Variants in PDE10A observed in about 807,000 individuals in gnomAD.
PDE10A encodes cAMP and cAMP-inhibited cGMP 3',5'-cyclic phosphodiesterase 10A.
A neutral mutation model predicts 97.7 loss-of-function variants in PDE10A; 39 were observed. That is an observed-to-expected ratio of 0.40 (90% confidence interval 0.31 to 0.52). The LOEUF is 0.52. Among genes scored for constraint, PDE10A ranks in the 20% least tolerant of loss-of-function variants. The probability of loss-of-function intolerance (pLI) is 0.56; values close to 1 mark genes in which losing one functional copy is unlikely to be tolerated. For synonymous variants in PDE10A, 371 were observed against 376.8 expected, an observed-to-expected ratio of 0.98 and a Z score of 0.18; for missense variants, 731 against 1,047.8, an observed-to-expected ratio of 0.70 and a Z score of 4.17.
chr6:165,943,250 G>A (rs867526105), intron 1 of PDE10A, among the ~76,000 whole-genome samples: 1,118 of 66,826 alleles, frequency 0.017, 43 homozygotes, highest in Middle Eastern at 0.036. Flanking sequence ...AAGGAAGGAA[G>A]GAAGGAAGGA....
chr6:165,527,373 C>T (rs1782508706), intron 2 of PDE10A, among the ~76,000 whole-genome samples: 1 of 152,208 alleles, frequency 6.6e-6, no homozygotes, highest in African/African-American at 2.4e-5. Flanking sequence ...GCCACTTGGA[C>T]TATATGACCC....
At chr6:165,381,766 C>T (rs997571824) in intron 17 of PDE10A, among the ~76,000 whole-genome samples, 3 of 151,712 alleles carry the variant, frequency 2.0e-5, no homozygotes, top group Admixed American at 6.6e-5. Flanking sequence ...CAGACGTGAG[C>T]CACCGCGCCC....
intron 1 of PDE10A, among the ~76,000 whole-genome samples, chr6:165,943,091 A>G (rs796559509): frequency 2.0e-5 from 3 of 150,462 alleles, no homozygotes; most frequent in African/African-American, 7.4e-5. Flanking sequence ...GGAGAAACAG[A>G]ACCCAGAGAG....
chr6:165,539,043 G>A (rs904489075), intron 2 of PDE10A, among the ~76,000 whole-genome samples: 4 of 152,112 alleles, frequency 2.6e-5, no homozygotes, highest in South Asian at 2.1e-4. Context: ...ACTCTGCTTC[G>A]AAGCTATATT....
intron 18 of PDE10A, among the ~76,000 whole-genome samples, chr6:165,372,361 A>G (rs1784315379): frequency 2.0e-5 from 3 of 149,608 alleles, no homozygotes. Context: ...CCTTAAGCTG[A>G]TAAGCAACTT....
chr6:165,878,202 G>C (rs1444888313), intron 1 of PDE10A, among the ~76,000 whole-genome samples: 2 of 152,182 alleles, frequency 1.3e-5, no homozygotes, highest in African/African-American at 4.8e-5. Flanking sequence ...CCAAACCATA[G>C]ATGCCTCTAG....
intron 18 of PDE10A, among the ~76,000 whole-genome samples, chr6:165,365,604 T>C (rs500017): frequency 0.57 from 85,949 of 152,036 alleles, 25,614 homozygotes; most frequent in African/African-American, 0.77. Flanking sequence ...CTCAGCTATT[T>C]AGCTACTTGA....
At chr6:165,496,430 C>A (rs1780541216) in intron 2 of PDE10A, among the ~76,000 whole-genome samples, 1 of 152,182 alleles carries the variant, frequency 6.6e-6, no homozygotes, top group African/African-American at 2.4e-5. Context: ...ACATGGGTTT[C>A]TTGACCTTTT....
chr6:165,975,070 C>T (rs959470674), intron 1 of PDE10A, among the ~76,000 whole-genome samples: 3 of 152,158 alleles, frequency 2.0e-5, no homozygotes, highest in African/African-American at 7.2e-5. Flanking sequence ...AGAAGGAGCC[C>T]GGGTCCAGAC....
intron 3 of PDE10A, among the ~76,000 whole-genome samples, chr6:165,480,845 T>G (rs221731): frequency 1.3e-5 from 2 of 151,968 alleles, no homozygotes; most frequent in Admixed American, 6.5e-5. Flanking sequence ...GTCAAATAAG[T>G]ATTGATCAAG....
intron 1 of PDE10A, among the ~76,000 whole-genome samples, chr6:165,767,073 A>G (rs1457459045): frequency 2.0e-5 from 3 of 152,180 alleles, no homozygotes; most frequent in African/African-American, 7.2e-5. Context: ...GTGCTTCTAC[A>G]TTAAAAAACG....
chr6:165,483,518 C>T (rs1389577155), intron 2 of PDE10A, among the ~76,000 whole-genome samples: 2 of 152,182 alleles, frequency 1.3e-5, no homozygotes, highest in East Asian at 3.8e-4. Flanking sequence ...CTCTTCAACT[C>T]CTAATCCTCT....
At chr6:165,573,516 T>C (rs999375427) in intron 1 of PDE10A, among the ~76,000 whole-genome samples, 2 of 152,214 alleles carry the variant, frequency 1.3e-5, no homozygotes, top group Non-Finnish European at 2.9e-5. Context: ...GTCCAAATAC[T>C]GGTGACAGAG....
intron 18 of PDE10A, among the ~76,000 whole-genome samples, chr6:165,347,633 C>T (rs1314499401): frequency 6.6e-6 from 1 of 152,150 alleles, no homozygotes; most frequent in Non-Finnish European, 1.5e-5. Flanking sequence ...TTTACATGGT[C>T]TCACAGAGTA....
At chr6:165,977,306 A>G (rs1045328704) in intron 1 of PDE10A, among the ~76,000 whole-genome samples, 16 of 152,180 alleles carry the variant, frequency 1.1e-4, no homozygotes, top group African/African-American at 3.9e-4. Flanking sequence ...CTAGGCAGAG[A>G]TTTCTCAATC....
intron 3 of PDE10A, among the ~76,000 whole-genome samples, chr6:165,462,399 C>A (rs1173681753): frequency 1.3e-5 from 2 of 152,282 alleles, no homozygotes; most frequent in Admixed American, 1.3e-4. Context: ...AGCAGAACAA[C>A]CGATTTGGTG....
chr6:165,684,710 A>C (rs1019056821), intron 1 of PDE10A, among the ~76,000 whole-genome samples: 2 of 152,252 alleles, frequency 1.3e-5, no homozygotes, highest in African/African-American at 2.4e-5. Context: ...CCCACAGGCC[A>C]CATTCAAAGG....
intron 1 of PDE10A, among the ~76,000 whole-genome samples, chr6:165,591,930 T>A (rs73022172): frequency 0.19 from 29,266 of 152,036 alleles, 2,928 homozygotes; most frequent in African/African-American, 0.25. Context: ...ACAAAAATGC[T>A]ATAGTAGCAT....
intron 2 of PDE10A, among the ~76,000 whole-genome samples, chr6:165,502,307 CTG>C (rs1252133731): frequency 6.6e-6 from 1 of 152,130 alleles, no homozygotes; most frequent in East Asian, 1.9e-4. Flanking sequence ...TCAAGAGACA[CTG>C]TTAAGAAAAT....
Sources: gnomAD v4.1 joint callset for allele counts (sites outside exome capture counted in the v4.1 genomes callset) on GRCh38, gnomAD v4.1.1 for gene constraint, MANE v1.5 for transcripts, NCBI Gene and HGNC (gene_info 2026-07-23, HGNC 2026-07-21) for gene names.